SMARCE1: variants seen among roughly 807,000 people sequenced by gnomAD.
SMARCE1 encodes the protein SWI/SNF related BAF chromatin remodeling complex subunit E1.
In SMARCE1, 13 loss-of-function variants were observed where a neutral mutation model predicts 54.9. That is an observed-to-expected ratio of 0.24 (90% confidence interval 0.15 to 0.38). The LOEUF is 0.38. SMARCE1 is among the 10% of genes least tolerant of loss of function. The probability of loss-of-function intolerance (pLI) is 1.00; values close to 1 mark genes in which losing one functional copy is unlikely to be tolerated. For missense variants in SMARCE1, 295 were observed against 523.8 expected, an observed-to-expected ratio of 0.56 and a Z score of 4.26; for synonymous variants, 151 against 175.3, an observed-to-expected ratio of 0.86 and a Z score of 1.10.
Position 40,645,574 on chromosome 17 carries a change from A to T in SMARCE1, c.51+2T>A. The T allele has an allele frequency of 6.4e-7, 1 of 1,561,452 alleles. No individual in the cohort carries two copies. The highest frequency in any genetic ancestry group is 8.6e-7 in the Non-Finnish European group (1 of 1,161,778). On this transcript the variant is annotated splice_donor_variant, in intron 3 of 10. Transcript: ENST00000348513. LOFTEE classifies it high-confidence loss of function. ...TACATTAACAAGAAAATTAAAACTT[A>T]CTGTTGCAGGAGCTGGGGTGGGAGG...
chr17:40,645,567 A>G lies in SMARCE1; in HGVS notation c.51+9T>C. The G allele has an allele frequency of 6.4e-7, 1 of 1,561,330 alleles. No homozygotes were observed. The highest frequency in any genetic ancestry group is 8.6e-7 in the Non-Finnish European group (1 of 1,160,928). ...TGGCTATTACATTAACAAGAAAATT[A>G]AAACTTACTGTTGCAGGAGCTGGGG... On this transcript the variant is annotated intron_variant, in intron 3 of 10. Transcript: ENST00000348513.
At chr17:40,647,512 G>C in intron 1 of SMARCE1, 1 of 152,280 alleles carries the variant, frequency 6.6e-6, no homozygotes, top group Non-Finnish European at 1.5e-5. Context: ...TACTTTACTA[G>C]CAACTCCCCT....
intron 3 of SMARCE1, chr17:40,643,418 C>G (rs2037218316): frequency 6.6e-6 from 1 of 152,190 alleles, no homozygotes; most frequent in Non-Finnish European, 1.5e-5. Context: ...TACAACTGCT[C>G]ATTTCAGCAA....
Position 40,631,589 on chromosome 17 carries a change from T to C in SMARCE1, c.816+3A>G. ...AAGTATAGTTAACATATTAAACAGA[T>C]ACCCTTTTAAGTTCATTGTTAAATG... On this transcript the variant is annotated splice_donor_region_variant and intron_variant, in intron 9 of 10. Coordinates refer to ENST00000348513, the MANE Select transcript of SMARCE1 (RefSeq NM_003079.5). 7.0e-7 allele frequency: 1 copy of C among 1,429,478 alleles called. No homozygotes were observed. The highest frequency in any genetic ancestry group is 1.7e-5 in the Admixed American group (1 of 59,446). The allele number at this position is 1,429,478 out of a possible 1,614,324, so 88.5% of individuals were successfully genotyped here.
intron 7 of SMARCE1, chr17:40,633,393 C>T (rs1415758971): frequency 6.6e-6 from 1 of 152,090 alleles, no homozygotes; most frequent in East Asian, 1.9e-4. Flanking sequence ...CATATATCTA[C>T]TAACAGCCTG....
chr17:40,630,225 A>C lies in SMARCE1; in HGVS notation c.1027+489T>G, dbSNP rs910146286. ...TTTTTTACCTTGAGGGATGCTTTTA[A>C]TCAGGAAAATCAGTATACCTAGAAG... On this transcript the variant is annotated intron_variant, in intron 10 of 10. Transcript: ENST00000348513. 3.3e-6 allele frequency: 5 copies of C among 1,524,356 alleles called. No homozygotes were observed. In the African/African-American group the frequency reaches 6.9e-5, roughly 21 times the overall value. The allele number at this position is 1,524,356 out of a possible 1,614,324, so 94.4% of individuals were successfully genotyped here.
chr17:40,632,832 T>C (rs1437562446), intron 7 of SMARCE1: 2 of 153,232 alleles, frequency 1.3e-5, no homozygotes, highest in African/African-American at 4.8e-5. Context: ...TGTAAAATTA[T>C]GACAGCAGAG....
rs1007590186 is a variant in SMARCE1 at position 40,630,280 on chromosome 17, T to A, written c.1027+434A>T. On this transcript the variant is annotated intron_variant, in intron 10 of 10. Transcript: ENST00000348513. ...GGTTTTTCTAGGACAGAGCTGGCAA[T>A]TTTTTTCTGTAAAGAGCCAGATAGA... 7.4e-6 allele frequency: 11 copies of A among 1,476,940 alleles called. No individual in the cohort carries two copies. In the African/African-American group the frequency reaches 1.1e-4, roughly 15 times the overall value. The allele number at this position is 1,476,940 out of a possible 1,614,324, so 91.5% of individuals were successfully genotyped here.
intron 4 of SMARCE1, among the ~76,000 whole-genome samples, chr17:40,640,422 G>A (rs2037186677): frequency 6.6e-6 from 1 of 152,132 alleles, no homozygotes; most frequent in Admixed American, 6.6e-5. Flanking sequence ...GGAGTCATCA[G>A]GGAAACCCAA....
Position 40,642,849 on chromosome 17 carries a change from T to C in SMARCE1, c.52-290A>G, listed in dbSNP as rs186793373. 66 of 357,104 alleles carry C rather than the reference T, an allele frequency of 1.8e-4. No homozygotes were observed. Among genetic ancestry groups the C allele is most frequent in the Admixed American group, 1.3e-3 (29 of 22,036 alleles). 22.1% of individuals were successfully genotyped at this position (357,104 alleles called of 1,614,324 possible). On this transcript the variant is annotated intron_variant, in intron 3 of 10. Coordinates refer to ENST00000348513, the MANE Select transcript of SMARCE1 (RefSeq NM_003079.5). This position sits in a 1 kb window ranked among gnomAD's most constrained non-coding sequence, Gnocchi z 4.6. The stretch of plus-strand genomic sequence containing the variant: ...TTGTTTTTTGAGGTAAGCAACACAC[T>C]GAAGTGTTTAAAACATTCAGGATTA...
At chr17:40,632,481 G>A (rs1285749793) in intron 7 of SMARCE1, 114 bp from the exon 8 acceptor site, 1 of 835,598 alleles carries the variant, frequency 1.2e-6, no homozygotes, top group Non-Finnish European at 1.9e-6. Context: ...CTAACAAGTG[G>A]ACCTGCCCAG....
In SMARCE1 at chr17:40,642,548, G is replaced by A. The variant is rs1597749796; in HGVS notation, c.63C>T (p.Ser21=). Residue 21 remains serine, a synonymous_variant, in exon 4 of 11, where the codon AGC becomes AGT. Coordinates refer to ENST00000348513, the MANE Select transcript of SMARCE1 (RefSeq NM_003079.5). This position sits in a 1 kb window ranked among gnomAD's most constrained non-coding sequence, Gnocchi z 4.6. The part of the protein sequence containing the change: ...PTPAPATQMP[S]TPGFVGYNPY... The stretch of plus-strand genomic sequence containing the variant: ...GATTGTATCCCACAAACCCTGGTGT[G>A]CTGGGCATTTGCTGATGGAAACAAA... 1 of 1,602,864 alleles carries A rather than the reference G, an allele frequency of 6.2e-7. No individual in the cohort carries two copies. Among genetic ancestry groups the A allele is most frequent in the Non-Finnish European group, 8.5e-7 (1 of 1,172,974 alleles).
At chr17:40,639,222 G>A (rs890291124) in intron 4 of SMARCE1, among the ~76,000 whole-genome samples, 42 of 152,140 alleles carry the variant, frequency 2.8e-4, no homozygotes, top group Non-Finnish European at 1.6e-4. Context: ...CTTTCAAGGG[G>A]AAAGAGAATT....
At chr17:40,644,615 T>G (rs1474479320) in intron 3 of SMARCE1, 2 of 152,196 alleles carry the variant, frequency 1.3e-5, no homozygotes, top group Admixed American at 1.3e-4. Context: ...ATCTCTTTTC[T>G]AAAGTATCTC....
In SMARCE1 at chr17:40,628,570, A is replaced by G; in HGVS notation, c.*215T>C. On this transcript the variant is annotated 3_prime_UTR_variant, in exon 11 of 11. Transcript: ENST00000348513. ...CTGAGGCTTTCAGCAGTTGAGGGCT[A>G]GAAACAAGATCCAAAGAAAAGAGCC... 2.0e-6 allele frequency: 1 copy of G among 511,470 alleles called. No individual in the cohort carries two copies. The highest frequency in any genetic ancestry group is 3.5e-6 in the Non-Finnish European group (1 of 284,902). The allele number at this position is 511,470 out of a possible 1,614,324, so 31.7% of individuals were successfully genotyped here.
intron 6 of SMARCE1, 70 bp from the exon 7 acceptor site, chr17:40,636,172 C>A: frequency 7.6e-7 from 1 of 1,309,718 alleles, no homozygotes; most frequent in Non-Finnish European, 1.1e-6. Context: ...TATGTTATCT[C>A]ACTTGAATAT....
chr17:40,635,319 C>T (rs992042835), intron 7 of SMARCE1: 1 of 151,484 alleles, frequency 6.6e-6, no homozygotes, highest in Admixed American at 6.6e-5. Context: ...GGTCTCCTCG[C>T]AGCTTCAGAC....
chr17:40,632,507 G>C, intron 7 of SMARCE1, 140 bp from the exon 8 acceptor site: 1 of 650,008 alleles, frequency 1.5e-6, no homozygotes, highest in Non-Finnish European at 2.6e-6. Context: ...TGGGAGCACT[G>C]GGGCAGTTAC....
At chr17:40,645,451 TTTTTC>T in intron 3 of SMARCE1, 120 bp downstream of exon 3, 1 of 555,678 alleles carries the variant, frequency 1.8e-6, no homozygotes, top group Non-Finnish European at 3.1e-6. Flanking sequence ...TGCTTTTTTT[TTTTTC>T]TTTTAAGCTG....
Sources: allele counts gnomAD v4.1 joint callset (sites outside exome capture counted in the v4.1 genomes callset), GRCh38; gene constraint gnomAD v4.1.1; non-coding constraint Gnocchi (gnomAD v3.1); transcripts MANE v1.5; gene names NCBI Gene and HGNC (gene_info 2026-07-23, HGNC 2026-07-21).